Variants in SYNJ2 observed in about 807,000 individuals in gnomAD.
SYNJ2 encodes the protein polyphosphatidylinositol phosphatase SYNJ2.
Under a neutral mutation model 141.3 loss-of-function variants are expected in SYNJ2, and 116 were observed. The observed-to-expected ratio is 0.82, with a 90% confidence interval of 0.71 to 0.96. The LOEUF (loss-of-function observed/expected upper bound fraction) is 0.96, where lower values mean the gene tolerates loss of function less well. Ranked by LOEUF, SYNJ2 falls within the 40% of genes least tolerant of loss-of-function variation. The pLI is 0.00. For synonymous variants in SYNJ2, 745 were observed against 777.7 expected (o/e 0.96, Z 0.70); for missense variants, 1,873 against 1,934.8 (o/e 0.97, Z 0.60).
chr6:158,071,917 C>A lies in SYNJ2; in HGVS notation c.2133+123C>A, dbSNP rs575889952. On this transcript the variant is annotated intron_variant, in intron 15 of 26. Transcript: ENST00000355585. This position sits in a 1 kb window ranked among gnomAD's most constrained non-coding sequence, Gnocchi z 4.3. ...GAGGGCCCCTTCCTGGAGGGCTCAG[C>A]GCTGGGGGAGGGGGAGAGGGCTATG... 2.8e-4 allele frequency: 329 copies of A among 1,168,674 alleles called. 3 individuals carry two copies. The East Asian group carries it at 8.3e-3, about 30-fold the overall frequency. 72.4% of individuals were successfully genotyped at this position (1,168,674 alleles called of 1,614,324 possible). A position where few individuals can be genotyped will look rare whatever the true frequency, so the allele number is the denominator to read the frequency against.
intron 1 of SYNJ2, among the ~76,000 whole-genome samples, chr6:157,987,437 C>G (rs1562306775): frequency 6.6e-6 from 1 of 151,992 alleles, no homozygotes; most frequent in Non-Finnish European, 1.5e-5. Context: ...GTCTTGCTCT[C>G]TCACCCAGGC....
Position 158,081,128 on chromosome 6 carries a change from G to C in SYNJ2, c.2587G>C (p.Glu863Gln). The change falls in exon 19 of 27, where the codon GAG becomes CAG. Residue 863 changes from glutamate to glutamine, a missense_variant. Transcript: ENST00000355585. ...SDHRPVLAIV[E>Q]VEVQEVDVGA... ...ACGCAGACCTGTGCTGGCGATCGTG[G>C]AGGTGGAAGTTCAGGAAGTCGATGT... 1 of 1,614,020 alleles carries C rather than the reference G, an allele frequency of 6.2e-7. No homozygotes were observed. Among genetic ancestry groups the C allele is most frequent in the South Asian group, 1.1e-5 (1 of 91,068 alleles).
chr6:158,092,383 G>A (rs1744164), intron 25 of SYNJ2, among the ~76,000 whole-genome samples: 98,411 of 152,142 alleles, frequency 0.65, 32,699 homozygotes, highest in African/African-American at 0.8. Flanking sequence ...GCTCACGCCT[G>A]TAATCCCAGC....
intron 15 of SYNJ2, among the ~76,000 whole-genome samples, chr6:158,072,805 C>T (rs1159857512): frequency 2.0e-5 from 3 of 151,894 alleles, no homozygotes; most frequent in Admixed American, 2.0e-4. Flanking sequence ...CACAGTGGCT[C>T]ACACCTGTAA....
chr6:158,078,327 C>A, intron 18 of SYNJ2, 46 bp downstream of exon 18: 2 of 1,300,628 alleles, frequency 1.5e-6, no homozygotes, highest in Non-Finnish European at 2.2e-6. Flanking sequence ...CTGGGCAAGG[C>A]AGCGTCTCCC....
At chr6:158,049,503 AC>A (rs1209086498) in intron 5 of SYNJ2, among the ~76,000 whole-genome samples, 4 of 152,306 alleles carry the variant, frequency 2.6e-5, no homozygotes, top group Middle Eastern at 3.4e-3. Flanking sequence ...GCTCCCCTCC[AC>A]TTTTGCCCAA....
In SYNJ2 at chr6:158,086,984, C is replaced by A; in HGVS notation, c.3338C>A (p.Pro1113His). 6.5e-7 allele frequency: 1 copy of A among 1,533,848 alleles called. No individual in the cohort carries two copies. Among genetic ancestry groups the A allele is most frequent in the Non-Finnish European group, 8.8e-7 (1 of 1,131,292 alleles). Reference protein sequence around the residue: ...RPPQPPQRPPPPTGLMVKKSA... With the variant: ...RPPQPPQRPPHPTGLMVKKSA... ...CCTCAACCCCCGCAGAGACCCCCCCCTCCAAGTAAGACTCTGCTTGCTTTC... is the reference window on the plus strand; with the variant it reads ...CCTCAACCCCCGCAGAGACCCCCCCATCCAAGTAAGACTCTGCTTGCTTTC... Residue 1113 changes from proline (P) to histidine (H), a missense_variant, in exon 23 of 27, where the codon CCT becomes CAT. Coordinates refer to ENST00000355585, the MANE Select transcript of SYNJ2 (RefSeq NM_003898.4).
chr6:158,019,496 A>G lies in SYNJ2; in HGVS notation c.214+2206A>G, dbSNP rs1003100523. 2.0e-5 allele frequency among the ~76,000 whole-genome samples: 3 copies of G among 152,176 alleles called. No individual in the cohort carries two copies. The South Asian group carries it at 6.2e-4, about 32-fold the overall frequency. ...GTGGCAGCCCCAAAGATGTCTTATTAGAGCGAGCCAGGGTGTCTGCGGGGG... is the reference window on the plus strand; with the variant it reads ...GTGGCAGCCCCAAAGATGTCTTATTGGAGCGAGCCAGGGTGTCTGCGGGGG... On this transcript the variant is annotated intron_variant, in intron 2 of 26. Coordinates refer to ENST00000355585, the MANE Select transcript of SYNJ2 (RefSeq NM_003898.4).
intron 3 of SYNJ2, among the ~76,000 whole-genome samples, chr6:158,030,237 G>T (rs1442380778): frequency 6.6e-6 from 1 of 152,226 alleles, no homozygotes; most frequent in Non-Finnish European, 1.5e-5. Context: ...ATGCCAGGTA[G>T]AAGCAAAAGT....
intron 12 of SYNJ2, 86 bp from the exon 13 acceptor site, chr6:158,068,561 C>A: frequency 2.0e-6 from 3 of 1,468,420 alleles, no homozygotes; most frequent in South Asian, 1.2e-5. Flanking sequence ...CAGCATGACT[C>A]GGGAGAGGGC....
At chr6:158,090,103 C>T (rs1055682011) in intron 25 of SYNJ2, among the ~76,000 whole-genome samples, 156 bp downstream of exon 25, 1 of 152,064 alleles carries the variant, frequency 6.6e-6, no homozygotes, top group African/African-American at 2.4e-5. Flanking sequence ...TAAATCTATA[C>T]TAAGATTGAT....
At chr6:157,981,669 G>T (rs9456934), upstream of SYNJ2, among the ~76,000 whole-genome samples, 13,342 of 151,920 alleles carry the variant, frequency 0.088, 691 homozygotes, top group Non-Finnish European at 0.12. The surrounding 1 kb of genome is among the most constrained non-coding windows in gnomAD (Gnocchi z 6.4). Flanking sequence ...TCCGCTCCAC[G>T]CCCGCCTGCG....
chr6:158,089,211 C>T (rs1583513390), intron 24 of SYNJ2, among the ~76,000 whole-genome samples: 1 of 152,124 alleles, frequency 6.6e-6, no homozygotes, highest in African/African-American at 2.4e-5. Context: ...GGAAGACTAA[C>T]AGCCATAGAG....
intron 23 of SYNJ2, among the ~76,000 whole-genome samples, chr6:158,087,875 CTTTT>C (rs749329722): frequency 1.1e-5 from 1 of 94,500 alleles, no homozygotes. Flanking sequence ...CAACATACTT[CTTTT>C]TTTTTTTTTT....
intron 1 of SYNJ2, among the ~76,000 whole-genome samples, chr6:158,005,078 TA>T (rs149526608): frequency 1.4e-4 from 17 of 119,048 alleles, no homozygotes; most frequent in African/African-American, 4.2e-4. Flanking sequence ...TCCCAGTGAC[TA>T]TTTTTTTTTT....
chr6:158,090,061 TAAATG>T, intron 25 of SYNJ2, 114 bp downstream of exon 25: 2 of 692,076 alleles, frequency 2.9e-6, no homozygotes, highest in Non-Finnish European at 5.1e-6. Flanking sequence ...GAGGCAATAT[TAAATG>T]AAAACATCCT....
At chr6:158,038,908 G>T (rs1393512401) in intron 4 of SYNJ2, among the ~76,000 whole-genome samples, 1 of 152,270 alleles carries the variant, frequency 6.6e-6, no homozygotes, top group African/African-American at 2.4e-5. Context: ...GGAGCAGAAA[G>T]AAACACAGGT....
intron 5 of SYNJ2, among the ~76,000 whole-genome samples, chr6:158,052,112 C>T (rs1223402222): frequency 6.6e-6 from 1 of 152,174 alleles, no homozygotes; most frequent in African/African-American, 2.4e-5. Flanking sequence ...TTGAGTTATA[C>T]AATGATACAT....
Position 158,095,843 on chromosome 6 carries a change from GAGGCGCCGCCTC to G in SYNJ2, c.3971_3982del (p.Glu1324_Leu1328delinsVal). On this transcript the variant is annotated inframe_deletion, in exon 27 of 27. Coordinates refer to ENST00000355585, the MANE Select transcript of SYNJ2 (RefSeq NM_003898.4). ...AGGAGCCTCTGTGCCACCACCTCTG[GAGGCGCCGCCTC>G]TTGTGCCCAAGGTACCCCCGAGGAG... 1 of 1,614,120 alleles carries G rather than the reference GAGGCGCCGCCTC, an allele frequency of 6.2e-7. No individual in the cohort carries two copies. Among genetic ancestry groups the G allele is most frequent in the South Asian group, 1.1e-5 (1 of 91,076 alleles).
Sources: allele counts gnomAD v4.1 joint callset (sites outside exome capture counted in the v4.1 genomes callset), GRCh38; gene constraint gnomAD v4.1.1; non-coding constraint Gnocchi (gnomAD v3.1); transcripts MANE v1.5; gene names NCBI Gene and HGNC (gene_info 2026-07-23, HGNC 2026-07-21).